The following DYNC1I1 variants were observed in gnomAD, a reference collection of about 807,000 sequenced individuals.
The protein encoded by DYNC1I1 is cytoplasmic dynein 1 intermediate chain 1.
A neutral mutation model predicts 86.6 loss-of-function variants in DYNC1I1; 43 were observed. That is an observed-to-expected ratio of 0.50 (90% CI 0.39 to 0.64). DYNC1I1 has a LOEUF of 0.64. DYNC1I1 is among the 30% of genes least tolerant of loss of function. DYNC1I1 has a pLI of 0.00. For synonymous variants in DYNC1I1, 262 were observed against 283.7 expected, an observed-to-expected ratio of 0.92 and a Z score of 0.77; for missense variants, 604 against 788.8, an observed-to-expected ratio of 0.77 and a Z score of 2.81.
chr7:95,879,909 C>T (rs113181383), intron 6 of DYNC1I1, among the ~76,000 whole-genome samples: 36 of 152,262 alleles, frequency 2.4e-4, no homozygotes, highest in African/African-American at 7.5e-4. Flanking sequence ...TGGTTCTAAG[C>T]ATGAAGAATT....
At chr7:95,887,576 A>G (rs950346677) in intron 6 of DYNC1I1, among the ~76,000 whole-genome samples, 1 of 151,840 alleles carries the variant, frequency 6.6e-6, no homozygotes, top group Non-Finnish European at 1.5e-5. Flanking sequence ...TCCTATCACT[A>G]CCTCCTCTCA....
At chr7:95,902,921 A>G (rs1353226060) in intron 6 of DYNC1I1, among the ~76,000 whole-genome samples, 1 of 152,172 alleles carries the variant, frequency 6.6e-6, no homozygotes, top group Non-Finnish European at 1.5e-5. Flanking sequence ...TATTCCATGG[A>G]GAACAGTATG....
chr7:96,094,062 A>G (rs548686874), intron 16 of DYNC1I1, among the ~76,000 whole-genome samples: 1 of 152,324 alleles, frequency 6.6e-6, no homozygotes, highest in South Asian at 2.1e-4. Context: ...ATTTTAGGCT[A>G]TTCACTTTTT....
At chr7:95,817,429 A>T (rs964022845) in intron 4 of DYNC1I1, among the ~76,000 whole-genome samples, 4 of 152,192 alleles carry the variant, frequency 2.6e-5, no homozygotes, top group Non-Finnish European at 5.9e-5. Flanking sequence ...GATATGAGTG[A>T]TACACAACCT....
At chr7:95,877,819 G>A (rs1790348641) in intron 6 of DYNC1I1, among the ~76,000 whole-genome samples, 2 of 152,148 alleles carry the variant, frequency 1.3e-5, no homozygotes, top group Non-Finnish European at 1.5e-5. Context: ...TGTGCCCCAG[G>A]GCAGTGTTGA....
intron 6 of DYNC1I1, among the ~76,000 whole-genome samples, chr7:95,888,783 G>A (rs900113431): frequency 5.3e-5 from 8 of 152,170 alleles, no homozygotes; most frequent in South Asian, 4.1e-4. Context: ...GTAGCTGTTC[G>A]AAGTAATTTT....
intron 14 of DYNC1I1, among the ~76,000 whole-genome samples, chr7:96,039,699 C>G (rs1034142924): frequency 6.6e-6 from 1 of 151,910 alleles, no homozygotes; most frequent in Admixed American, 6.6e-5. Flanking sequence ...CCAACCCCAA[C>G]CCCATCCACA....
intron 6 of DYNC1I1, among the ~76,000 whole-genome samples, chr7:95,970,077 T>G (rs1793126480): frequency 6.6e-6 from 1 of 152,170 alleles, no homozygotes; most frequent in Non-Finnish European, 1.5e-5. Flanking sequence ...GGAGGGTGGC[T>G]CTCTCTGGAC....
chr7:95,987,203 G>T (rs1232349043), intron 9 of DYNC1I1, 48 bp downstream of exon 9: 33 of 1,498,194 alleles, frequency 2.2e-5, no homozygotes, highest in Non-Finnish European at 3.0e-5. Context: ...TGTTCTCGTG[G>T]CATTTGTATA....
intron 6 of DYNC1I1, among the ~76,000 whole-genome samples, chr7:95,903,047 A>G (rs920155957): frequency 1.3e-5 from 2 of 152,170 alleles, no homozygotes; most frequent in African/African-American, 4.8e-5. Context: ...GTTAATGGGC[A>G]TGAGATAGCC....
At chr7:96,023,703 T>C (rs928571934) in intron 10 of DYNC1I1, among the ~76,000 whole-genome samples, 17 of 152,094 alleles carry the variant, frequency 1.1e-4, no homozygotes, top group African/African-American at 4.1e-4. Context: ...TGGAACTCTG[T>C]TTAGTGGGTC....
intron 10 of DYNC1I1, among the ~76,000 whole-genome samples, chr7:96,017,351 A>G (rs982892181): frequency 3.3e-5 from 5 of 152,162 alleles, no homozygotes; most frequent in Admixed American, 1.3e-4. Context: ...CTTGTACCAC[A>G]TCGCTATTCC....
chr7:95,778,013 C>T (rs1298578292), intron 1 of DYNC1I1, among the ~76,000 whole-genome samples: 3 of 152,136 alleles, frequency 2.0e-5, no homozygotes, highest in Non-Finnish European at 4.4e-5. Context: ...AAAACCGTGA[C>T]ATCATTCTTT....
Position 96,047,973 on chromosome 7 carries a change from A to G in DYNC1I1, c.1509+8552A>G, listed in dbSNP as rs373132812. On this transcript the variant is annotated intron_variant, in intron 14 of 16. Coordinates refer to ENST00000447467, the MANE Select transcript of DYNC1I1 (RefSeq NM_001135556.2). ...GAAGAGGCAGGATATTGGCAAGACTAAAAAAAGGCTTACAAGTAAGTTTAG... is the reference window on the plus strand; with the variant it reads ...GAAGAGGCAGGATATTGGCAAGACTGAAAAAAGGCTTACAAGTAAGTTTAG... Among the ~76,000 whole-genome samples the G allele has an allele frequency of 3.9e-5, 6 of 152,254 alleles. No individual in the cohort carries two copies. The South Asian group carries it at 6.2e-4, about 16-fold the overall frequency.
chr7:95,893,159 C>A (rs1213169983), intron 6 of DYNC1I1, among the ~76,000 whole-genome samples: 1 of 152,166 alleles, frequency 6.6e-6, no homozygotes, highest in Non-Finnish European at 1.5e-5. Context: ...CCACAACAGG[C>A]TGATTTCCAA....
chr7:95,919,920 C>T (rs183146079), intron 6 of DYNC1I1, among the ~76,000 whole-genome samples: 91 of 152,002 alleles, frequency 6.0e-4, no homozygotes, highest in Admixed American at 1.8e-3. Flanking sequence ...ATAAAGTAAA[C>T]GTAAATGATG....
intron 6 of DYNC1I1, among the ~76,000 whole-genome samples, chr7:95,950,526 A>G (rs1792524354): frequency 6.6e-6 from 1 of 152,204 alleles, no homozygotes; most frequent in Non-Finnish European, 1.5e-5. Flanking sequence ...TAAGTCTTTT[A>G]TAAAGAAGAA....
intron 4 of DYNC1I1, among the ~76,000 whole-genome samples, chr7:95,824,728 T>C (rs1795167095): frequency 6.6e-6 from 1 of 152,134 alleles, no homozygotes; most frequent in South Asian, 2.1e-4. Context: ...CAAAAGGAGA[T>C]TTGCCTGATG....
chr7:95,828,540 T>G (rs1399580340), intron 5 of DYNC1I1, among the ~76,000 whole-genome samples: 2 of 152,136 alleles, frequency 1.3e-5, no homozygotes, highest in Non-Finnish European at 2.9e-5. Flanking sequence ...TACTTTTCTT[T>G]TCAGTTTTTG....
Sources: allele counts gnomAD v4.1 joint callset (sites outside exome capture counted in the v4.1 genomes callset), GRCh38; gene constraint gnomAD v4.1.1; transcripts MANE v1.5; gene names NCBI Gene and HGNC (gene_info 2026-07-23, HGNC 2026-07-21).